The following CUX1 variants were observed in gnomAD, a reference collection of about 807,000 sequenced individuals.
The protein encoded by CUX1 is cut like homeobox 1, also known as protein CASP.
CUX1 carries 31 observed loss-of-function variants against 158.8 expected under a neutral mutation model. That is an observed-to-expected ratio of 0.20 (90% CI 0.15 to 0.26). CUX1 has a LOEUF of 0.26. Among genes scored for constraint, CUX1 ranks in the 10% least tolerant of loss-of-function variants. CUX1 has a pLI of 1.00. For missense variants in CUX1, 1,589 were observed against 2,014.6 expected, an observed-to-expected ratio of 0.79 and a Z score of 4.04; for synonymous variants, 879 against 862.1, an observed-to-expected ratio of 1.02 and a Z score of -0.34.
chr7:101,822,849 T>C (rs551012314), intron 1 of CUX1, among the ~76,000 whole-genome samples: 1 of 149,398 alleles, frequency 6.7e-6, no homozygotes, highest in East Asian at 2.0e-4. Flanking sequence ...TGCAGTGAGC[T>C]GAGATCGTGT....
At chr7:102,063,263 A>T (rs1195757846) in intron 3 of CUX1, among the ~76,000 whole-genome samples, 1 of 152,140 alleles carries the variant, frequency 6.6e-6, no homozygotes, top group African/African-American at 2.4e-5. Context: ...TTGGGTGTGT[A>T]CAGTGGAGAA....
intron 20 of CUX1, among the ~76,000 whole-genome samples, chr7:102,216,798 ACACACACCCCCACACACAC>A (rs1797247662): frequency 2.4e-5 from 1 of 41,406 alleles, no homozygotes; most frequent in Non-Finnish European, 6.5e-5. Context: ...ACACTCTCCC[ACACACACCCCCACACACAC>A]TCTCCCACCA....
intron 2 of CUX1, among the ~76,000 whole-genome samples, chr7:102,007,398 G>A (rs1563121936): frequency 6.6e-6 from 1 of 151,832 alleles, no homozygotes; most frequent in Non-Finnish European, 1.5e-5. Flanking sequence ...TCCTGTTAAG[G>A]GGACATTTCC....
intron 2 of CUX1, among the ~76,000 whole-genome samples, chr7:101,945,993 G>A (rs960370932): frequency 1.3e-5 from 2 of 152,212 alleles, no homozygotes; most frequent in Non-Finnish European, 2.9e-5. Context: ...TGGTTCTGTG[G>A]TCAGGAGGGC....
chr7:102,216,780 C>CCA (rs1333800586), intron 20 of CUX1, among the ~76,000 whole-genome samples: 264 of 95,000 alleles, frequency 2.8e-3, no homozygotes, highest in African/African-American at 8.4e-3. Context: ...ACACACTCTC[C>CCA]CACACACACA....
rs191916731 is a variant in CUX1, at chr7:102,256,781, C to T, written c.*7739C>T. 3.0e-5 allele frequency: 30 copies of T among 985,422 alleles called. No individual in the cohort carries two copies. Among genetic ancestry groups the T allele is most frequent in the Middle Eastern group, 1.0e-3 (2 of 1,914 alleles). 61.0% of individuals were successfully genotyped at this position (985,422 alleles called of 1,614,324 possible). A position where few individuals can be genotyped will look rare whatever the true frequency, so the allele number is the denominator to read the frequency against. On this transcript the variant is annotated 3_prime_UTR_variant, in exon 24 of 24. Coordinates refer to ENST00000292535, the MANE Select transcript of CUX1 (RefSeq NM_181552.4). ...TTCGGCGAGCCGTGGTCAGAGAGGG[C>T]GCGGTGGCCTGGCCAAGACTTTACC...
At chr7:102,141,950 C>A (rs1460060358) in intron 8 of CUX1, among the ~76,000 whole-genome samples, 1 of 151,964 alleles carries the variant, frequency 6.6e-6, no homozygotes, top group Non-Finnish European at 1.5e-5. Flanking sequence ...CCCAACCTTT[C>A]CTTAACACTT....
At chr7:102,166,488 G>A (rs1228451074) in intron 9 of CUX1, among the ~76,000 whole-genome samples, 1 of 152,082 alleles carries the variant, frequency 6.6e-6, no homozygotes, top group Non-Finnish European at 1.5e-5. Flanking sequence ...TAGATCTGGG[G>A]TTCCAGATCT....
chr7:102,106,072 CTTTTTTCTTTTTTTTTTTTT>C (rs1326586470), intron 6 of CUX1, among the ~76,000 whole-genome samples: 1 of 105,960 alleles, frequency 9.4e-6, no homozygotes, highest in African/African-American at 3.5e-5. Flanking sequence ...GTGAACTTTT[CTTTTTTCTTTTTTTTTTTTT>C]TTTTTTTTTT....
At chr7:102,126,912 G>A (rs781841637) in intron 8 of CUX1, among the ~76,000 whole-genome samples, 10 of 152,222 alleles carry the variant, frequency 6.6e-5, no homozygotes, top group Non-Finnish European at 1.3e-4. Flanking sequence ...CCATCTGGGG[G>A]TGATGGGAGA....
intron 3 of CUX1, among the ~76,000 whole-genome samples, chr7:102,059,836 T>G (rs968871346): frequency 6.6e-6 from 1 of 152,120 alleles, no homozygotes; most frequent in Admixed American, 6.6e-5. Flanking sequence ...TTGTTGATTT[T>G]TATTGTCCTA....
chr7:102,049,483 G>A (rs1255387785), intron 3 of CUX1, among the ~76,000 whole-genome samples: 1 of 152,074 alleles, frequency 6.6e-6, no homozygotes, highest in East Asian at 1.9e-4. Flanking sequence ...TCTTATAATT[G>A]ATTTAGAAGT....
chr7:102,207,221 T>C (rs1554521829), intron 20 of CUX1, among the ~76,000 whole-genome samples: 1 of 152,178 alleles, frequency 6.6e-6, no homozygotes, highest in African/African-American at 2.4e-5. Context: ...AAAAAGGCGA[T>C]GAGCCCCTGG....
chr7:102,093,625 C>A (rs1828884992), intron 4 of CUX1, among the ~76,000 whole-genome samples: 1 of 152,130 alleles, frequency 6.6e-6, no homozygotes, highest in African/African-American at 2.4e-5. Context: ...ACTGTAATGG[C>A]TGGAATTAAC....
rs533199897 is a variant in CUX1 at position 102,038,242 on chromosome 7, T to C, written c.189+10097T>C. On this transcript the variant is annotated intron_variant, in intron 3 of 23. Coordinates refer to ENST00000292535, the MANE Select transcript of CUX1 (RefSeq NM_181552.4). ...GACATCCAGAATGTGAAGCATACTG[T>C]CTAGGGCTGTGCATCCCACCGTTGT... Among the ~76,000 whole-genome samples the C allele has an allele frequency of 2.0e-5, 3 of 152,296 alleles. No individual in the cohort carries two copies. In the South Asian group the frequency reaches 6.2e-4, roughly 32 times the overall value.
chr7:102,239,609 C>T (rs782043249), intron 23 of CUX1, 25 bp downstream of exon 23: 1 of 1,599,836 alleles, frequency 6.3e-7, no homozygotes, highest in Admixed American at 1.7e-5. Flanking sequence ...TCACAGGGAG[C>T]GCCGGTCGGC....
chr7:102,012,757 A>T (rs532909483), intron 2 of CUX1, among the ~76,000 whole-genome samples: 1 of 152,196 alleles, frequency 6.6e-6, no homozygotes, highest in Non-Finnish European at 1.5e-5. Context: ...TACAAATTTA[A>T]TGAAGGAATG....
In CUX1 at chr7:101,950,072, G is replaced by A. The variant is rs146820071; in HGVS notation, c.141+33847G>A. Among the ~76,000 whole-genome samples the A allele has an allele frequency of 1.3e-3, 191 of 152,094 alleles. 1 individual carries two copies. Among genetic ancestry groups the A allele is most frequent in the African/African-American group, 4.4e-3 (183 of 41,498 alleles). On this transcript the variant is annotated intron_variant, in intron 2 of 23. Transcript: ENST00000292535. ...GATCAGGCTGGAGTGCAATGCTGGC[G>A]CGATCTCAGCTCACTGTAACCTCCG...
chr7:102,126,340 G>A (rs1315424638), intron 8 of CUX1, among the ~76,000 whole-genome samples: 2 of 151,948 alleles, frequency 1.3e-5, no homozygotes, highest in South Asian at 2.1e-4. Context: ...CGCCCGGCCC[G>A]TGACATTATT....
Sources: gnomAD v4.1 joint callset for allele counts (sites outside exome capture counted in the v4.1 genomes callset) on GRCh38, gnomAD v4.1.1 for gene constraint, MANE v1.5 for transcripts, NCBI Gene and HGNC (gene_info 2026-07-23, HGNC 2026-07-21) for gene names.